The following NCKAP1L variants were observed in gnomAD, a reference collection of about 807,000 sequenced individuals.
NCKAP1L encodes the protein NCK associated protein 1 like.
NCKAP1L carries 53 observed loss-of-function variants against 139.2 expected under a neutral mutation model. The observed-to-expected ratio is 0.38, with a 90% confidence interval of 0.31 to 0.48. The LOEUF (loss-of-function observed/expected upper bound fraction) is 0.48, where lower values mean the gene tolerates loss of function less well. Among genes scored for constraint, NCKAP1L ranks in the 20% least tolerant of loss-of-function variants. The pLI is 0.98. For missense variants in NCKAP1L, 1,151 were observed against 1,381.9 expected (o/e 0.83, Z 2.65); for synonymous variants, 468 against 499.7 (o/e 0.94, Z 0.85).
At chr12:54,531,211 C>T (rs1215217952) in intron 22 of NCKAP1L, 49 bp from the exon 23 acceptor site, 2 of 1,359,920 alleles carry the variant, frequency 1.5e-6, no homozygotes, top group South Asian at 2.3e-5. Context: ...TGTACAAATA[C>T]TCCAGTGCCT....
intron 5 of NCKAP1L, 121 bp downstream of exon 5, chr12:54,508,652 G>T: frequency 9.6e-7 from 1 of 1,038,714 alleles, no homozygotes; most frequent in Non-Finnish European, 1.4e-6. Flanking sequence ...AATCTACATT[G>T]ACCCAGGCAA....
intron 20 of NCKAP1L, among the ~76,000 whole-genome samples, chr12:54,525,350 T>G (rs1484598902): frequency 2.0e-5 from 3 of 152,244 alleles, no homozygotes; most frequent in Admixed American, 2.0e-4. Context: ...TTGAGGTTTT[T>G]GCTTGGGTGA....
At position 54,523,483 on chromosome 12, in the gene NCKAP1L, C is replaced by T. The variant is rs117115909; in HGVS notation, c.1968C>T (p.Pro656=). The T allele has an allele frequency of 1.5e-4, 241 of 1,613,992 alleles. No individual in the cohort carries two copies. The highest frequency in any genetic ancestry group is 2.0e-4 in the Non-Finnish European group (232 of 1,180,010). ...KQRQTPRKGE[P]ERDKPGAESH... is the part of the protein sequence containing the mutation. ...GGCAGACTCCCAGAAAAGGAGAGCC[C>T]GAGAGGGACAAGCCAGGAGCTGAGA... Residue 656 remains proline, a synonymous_variant, in exon 19 of 31, where the codon CCC becomes CCT. Transcript: ENST00000293373.
At chr12:54,526,421 G>A in intron 20 of NCKAP1L, 107 bp from the exon 21 acceptor site, 1 of 805,820 alleles carries the variant, frequency 1.2e-6, no homozygotes, top group South Asian at 1.6e-5. Context: ...GATAATATGT[G>A]TAGTAAAATC....
intron 30 of NCKAP1L, among the ~76,000 whole-genome samples, chr12:54,540,418 G>C (rs1957147984): frequency 6.6e-6 from 1 of 152,212 alleles, no homozygotes; most frequent in South Asian, 2.1e-4. Context: ...AGAGGGCAGA[G>C]GAGGTAGATG....
At chr12:54,499,985 C>G (rs1956783909) in intron 2 of NCKAP1L, among the ~76,000 whole-genome samples, 1 of 152,142 alleles carries the variant, frequency 6.6e-6, no homozygotes, top group Non-Finnish European at 1.5e-5. Context: ...TCTCATTTAG[C>G]CCTCTGTATC....
Position 54,529,457 on chromosome 12 carries a change from G to C in NCKAP1L, c.2506+1080G>C, listed in dbSNP as rs74091310. 4.3e-3 allele frequency among the ~76,000 whole-genome samples: 650 copies of C among 152,196 alleles called. 5 individuals carry two copies. The highest frequency in any genetic ancestry group is 0.015 in the African/African-American group (627 of 41,524). ...TCTCACCTCCATATAAATCAGGGAC[G>C]CTGCATAGTATCTGGGACAGGGTGA... On this transcript the variant is annotated intron_variant, in intron 22 of 30. Transcript: ENST00000293373.
At chr12:54,510,406 C>T (rs1166933090) in intron 7 of NCKAP1L, 8 of 402,924 alleles carry the variant, frequency 2.0e-5, no homozygotes, top group South Asian at 1.5e-4. Flanking sequence ...TTACTGCAGC[C>T]TCCACCTCCT....
At position 54,521,226 on chromosome 12, in the gene NCKAP1L, C is replaced by T. The variant is rs570070343; in HGVS notation, c.1866C>T (p.Asn622=). The change falls in exon 18 of 31, where the codon AAC becomes AAT. Residue 622 remains asparagine (N), a synonymous_variant. Transcript: ENST00000293373. ...CVLEICAEQR[N]LSEQLLPKHC... is the part of the protein sequence containing the mutation. ...TGGAGATCTGTGCTGAGCAGCGAAA[C>T]CTGAGCGAGCAGGTAGACTCAGCCC... 3.1e-6 allele frequency: 5 copies of T among 1,614,044 alleles called. No individual in the cohort carries two copies. The African/African-American group carries it at 4.0e-5, about 13-fold the overall frequency.
chr12:54,507,244 G>A (rs188881601), intron 3 of NCKAP1L, among the ~76,000 whole-genome samples: 2 of 152,206 alleles, frequency 1.3e-5, no homozygotes, highest in East Asian at 3.9e-4. Context: ...GCTGATGTTG[G>A]GGGAAAGAAG....
chr12:54,531,694 A>G, intron 24 of NCKAP1L, 49 bp from the exon 25 acceptor site: 1 of 1,604,156 alleles, frequency 6.2e-7, no homozygotes, highest in Non-Finnish European at 8.5e-7. Context: ...CAAAATCATC[A>G]CCAATCCCTC....
At chr12:54,539,904 A>G (rs1957143811) in intron 30 of NCKAP1L, among the ~76,000 whole-genome samples, 1 of 152,120 alleles carries the variant, frequency 6.6e-6, no homozygotes, top group Admixed American at 6.5e-5. Flanking sequence ...TGGTGGATAT[A>G]CCTCTAGTGC....
At chr12:54,536,683 A>G (rs1265126537) in intron 28 of NCKAP1L, 1 of 385,158 alleles carries the variant, frequency 2.6e-6, no homozygotes, top group South Asian at 3.2e-5. Flanking sequence ...AAAGAAAAGA[A>G]AAGGAACAAA....
rs765654859 is a variant in NCKAP1L, at chr12:54,526,622, A to C, written c.2251A>C (p.Ile751Leu). ...AGGAGTCAAAGCATACATTGGTTTC[A>C]TACAGTCACTGGCCCAGTTTTTGGG... ...LAGVKAYIGF[I>L]QSLAQFLGAD... The change falls in exon 21 of 31, where the codon ATA becomes CTA. Residue 751 changes from isoleucine (I) to leucine (L), a missense_variant. Transcript: ENST00000293373. 33 of 1,613,950 alleles carry C rather than the reference A, an allele frequency of 2.0e-5. 3 individuals carry two copies. The highest frequency in any genetic ancestry group is 2.5e-5 in the Non-Finnish European group (30 of 1,180,016).
rs1384267765 is a variant in NCKAP1L at position 54,517,004 on chromosome 12, A to G, written c.1095+12A>G. The G allele has an allele frequency of 6.2e-7, 1 of 1,606,002 alleles. No homozygotes were observed. The highest frequency in any genetic ancestry group is 2.2e-5 in the East Asian group (1 of 44,558). On this transcript the variant is annotated intron_variant, in intron 11 of 30. Transcript: ENST00000293373. ...TACTGGGTCCTAAGGCAAGAGGAAG[A>G]AATGTTGGGAGGGGAATGATGGCCA...
intron 29 of NCKAP1L, among the ~76,000 whole-genome samples, chr12:54,537,355 T>C (rs2120973920): frequency 6.6e-6 from 1 of 152,344 alleles, no homozygotes; most frequent in South Asian, 2.1e-4. Context: ...GCCAAGATTT[T>C]GGGGCCACGG....
intron 26 of NCKAP1L, 57 bp downstream of exon 26, chr12:54,532,307 G>A (rs1957078924): frequency 2.8e-6 from 4 of 1,436,254 alleles, no homozygotes; most frequent in South Asian, 2.4e-5. Context: ...TGAAAAGGAG[G>A]TAGCTAGGAT....
intron 30 of NCKAP1L, among the ~76,000 whole-genome samples, chr12:54,540,712 T>A (rs1277202868): frequency 6.6e-6 from 1 of 152,180 alleles, no homozygotes; most frequent in Non-Finnish European, 1.5e-5. Flanking sequence ...CTCAGGTAGT[T>A]TTCACCCCTG....
At chr12:54,536,389 G>A (rs748953364) in intron 28 of NCKAP1L, 144 bp downstream of exon 28, 2 of 616,334 alleles carry the variant, frequency 3.2e-6, no homozygotes, top group African/African-American at 1.8e-5. Flanking sequence ...GCTGGACACC[G>A]TGGCTCATGC....
Sources: allele counts gnomAD v4.1 joint callset (sites outside exome capture counted in the v4.1 genomes callset), GRCh38; gene constraint gnomAD v4.1.1; transcripts MANE v1.5; gene names NCBI Gene and HGNC (gene_info 2026-07-23, HGNC 2026-07-21).